PPEF1: variants seen among roughly 807,000 people sequenced by gnomAD.
The protein encoded by PPEF1 is protein phosphatase with EF-hand domain 1.
A neutral mutation model predicts 53.3 loss-of-function variants in PPEF1; 12 were observed. That is an observed-to-expected ratio of 0.23 (90% confidence interval 0.14 to 0.36). The LOEUF (loss-of-function observed/expected upper bound fraction) is 0.36. Among genes scored for constraint, PPEF1 ranks in the 10% least tolerant of loss-of-function variants. The pLI is 1.00. For synonymous variants in PPEF1, 165 were observed against 176.7 expected, an observed-to-expected ratio of 0.93 and a Z score of 0.52; for missense variants, 334 against 490.4, an observed-to-expected ratio of 0.68 and a Z score of 3.01.
At chrX:18,784,803 A>T (rs1477393614) in intron 9 of PPEF1, among the ~76,000 whole-genome samples, 2 of 111,290 alleles carry the variant, frequency 1.8e-5, no homozygotes, top group Non-Finnish European at 3.8e-5. Flanking sequence ...CTCTGAGACA[A>T]GTGGCTATGT....
At chrX:18,760,882 C>T (rs1340808353) in intron 5 of PPEF1, among the ~76,000 whole-genome samples, 1 of 106,992 alleles carries the variant, frequency 9.3e-6, no homozygotes, top group Non-Finnish European at 1.9e-5. Flanking sequence ...CGGGTTCAAG[C>T]GATTCTTATG....
At chrX:18,697,516 C>T (rs1338023027) in intron 4 of PPEF1, among the ~76,000 whole-genome samples, 2 of 110,791 alleles carry the variant, frequency 1.8e-5, no homozygotes, top group Non-Finnish European at 3.8e-5. Flanking sequence ...AGGTCTCGGC[C>T]CGTGCATCAC....
upstream of PPEF1, among the ~76,000 whole-genome samples, chrX:18,679,005 TGTTAG>T (rs201727493): frequency 8.2e-3 from 920 of 111,969 alleles, 11 homozygotes; most frequent in African/African-American, 0.028. Context: ...TTTAGATGTC[TGTTAG>T]GTTAGGCATC....
chrX:18,750,008 G>T, intron 4 of PPEF1, 56 bp downstream of exon 4: 2 of 1,044,042 alleles, frequency 1.9e-6, no homozygotes, highest in Non-Finnish European at 2.6e-6. Flanking sequence ...CCCAATAACT[G>T]TTGAAAGAAT....
At chrX:18,737,809 G>T (rs1569252223) in intron 3 of PPEF1, among the ~76,000 whole-genome samples, 1 of 111,415 alleles carries the variant, frequency 9.0e-6, no homozygotes, top group Non-Finnish European at 1.9e-5. Flanking sequence ...GGGTGCTCCT[G>T]TATTGGGTGC....
At chrX:18,701,275 T>C (rs769747301) in intron 6 of PPEF1, among the ~76,000 whole-genome samples, 6 of 112,296 alleles carry the variant, frequency 5.3e-5, no homozygotes, top group Non-Finnish European at 1.1e-4. Flanking sequence ...TTTGCGACTC[T>C]TAAATTATAC....
At chrX:18,742,062 T>C (rs1348112364) in intron 3 of PPEF1, among the ~76,000 whole-genome samples, 1 of 110,991 alleles carries the variant, frequency 9.0e-6, no homozygotes, top group Non-Finnish European at 1.9e-5. Context: ...CCTTCCAAAG[T>C]GCTGGGATTA....
At chrX:18,719,109 G>T (rs1302340414) in intron 1 of PPEF1, among the ~76,000 whole-genome samples, 1 of 111,561 alleles carries the variant, frequency 9.0e-6, no homozygotes, top group Non-Finnish European at 1.9e-5. Context: ...CTTTTATATA[G>T]CAAAATTTCT....
chrX:18,733,933 T>C, intron 3 of PPEF1, 125 bp downstream of exon 3: 1 of 526,179 alleles, frequency 1.9e-6, no homozygotes, highest in Non-Finnish European at 2.9e-6. Context: ...CTTTTGTTTA[T>C]GTGACACCCA....
chrX:18,827,610 C>A lies in PPEF1; in HGVS notation c.*123C>A. 2 of 556,537 alleles carry A rather than the reference C, an allele frequency of 3.6e-6. No homozygotes were observed. The highest frequency in any genetic ancestry group is 5.8e-6 in the Non-Finnish European group (2 of 341,897). 45.9% of individuals were successfully genotyped at this position (556,537 alleles called of 1,213,427 possible). A position where few individuals can be genotyped will look rare whatever the true frequency, so the allele number is the denominator to read the frequency against. ...GAGAAAAGCAGATCCCAATTCATCC[C>A]ACAAACAGATGCATAGTATGGGTTT... On this transcript the variant is annotated 3_prime_UTR_variant, in exon 16 of 16. Coordinates refer to ENST00000470157, the MANE Select transcript of PPEF1 (RefSeq NM_001377996.1).
chrX:18,717,966 G>A (rs975628775), intron 1 of PPEF1, among the ~76,000 whole-genome samples: 8 of 111,615 alleles, frequency 7.2e-5, no homozygotes, highest in Admixed American at 4.8e-4. Context: ...TGTAAAAGGA[G>A]ACCATTTTCT....
intron 3 of PPEF1, among the ~76,000 whole-genome samples, chrX:18,737,981 A>G (rs2045032827): frequency 9.1e-6 from 1 of 110,104 alleles, no homozygotes; most frequent in South Asian, 3.9e-4. Flanking sequence ...TGCTTGGTAG[A>G]TCTTCCTTCA....
intron 4 of PPEF1, among the ~76,000 whole-genome samples, chrX:18,694,051 A>G (rs757532273): frequency 7.2e-5 from 8 of 111,630 alleles, no homozygotes; most frequent in Admixed American, 6.7e-4. Flanking sequence ...TGAGAATGCG[A>G]TATAACTGTC....
chrX:18,767,154 G>A lies in PPEF1; in HGVS notation c.558+5578G>A, dbSNP rs191719610. ...AGCGATCTGGAGCTGTGGAGTGTAG[G>A]GAAGAGAGTTCTTGCCTTGTCAGAA... On this transcript the variant is annotated intron_variant, in intron 6 of 15. Coordinates refer to ENST00000470157, the MANE Select transcript of PPEF1 (RefSeq NM_001377996.1). 5.4e-4 allele frequency among the ~76,000 whole-genome samples: 61 copies of A among 112,594 alleles called. 1 individual carries two copies. Among genetic ancestry groups the A allele is most frequent in the Middle Eastern group, 9.2e-3 (2 of 218 alleles).
At chrX:18,776,371 A>C (rs1016555871) in intron 6 of PPEF1, among the ~76,000 whole-genome samples, 4 of 110,925 alleles carry the variant, frequency 3.6e-5, no homozygotes, top group Non-Finnish European at 5.7e-5. Context: ...AGTAGCTGGG[A>C]CTACAGGTGT....
At chrX:18,723,337 G>A (rs765068782) in intron 1 of PPEF1, among the ~76,000 whole-genome samples, 1 of 111,690 alleles carries the variant, frequency 9.0e-6, no homozygotes, top group Non-Finnish European at 1.9e-5. Context: ...AAGTCTTTGG[G>A]ACTTAACTGG....
At chrX:18,691,011 A>G (rs1340923640) in exon 4 of PPEF1, 1 of 111,892 alleles carries the variant, frequency 8.9e-6, no homozygotes, top group Non-Finnish European at 1.9e-5. Context: ...GGTCAGGCTG[A>G]AAGAGTCAAC....
chrX:18,756,638 C>T (rs2045555350), intron 4 of PPEF1, among the ~76,000 whole-genome samples: 1 of 112,058 alleles, frequency 8.9e-6, no homozygotes, highest in African/African-American at 3.2e-5. Flanking sequence ...TTTAATATTG[C>T]AGTTGTAAAT....
intron 4 of PPEF1, among the ~76,000 whole-genome samples, chrX:18,754,725 G>A (rs1308466452): frequency 8.9e-6 from 1 of 111,766 alleles, no homozygotes; most frequent in Non-Finnish European, 1.9e-5. Flanking sequence ...AGCCTCTCAA[G>A]TAGCTGGGAC....
Sources: gnomAD v4.1 joint callset for allele counts (sites outside exome capture counted in the v4.1 genomes callset) on GRCh38, gnomAD v4.1.1 for gene constraint, MANE v1.5 for transcripts, NCBI Gene and HGNC (gene_info 2026-07-23, HGNC 2026-07-21) for gene names.